PRELID3B: variants seen among roughly 807,000 people sequenced by gnomAD.
The protein encoded by PRELID3B is PRELI domain containing protein 3B.
A neutral mutation model predicts 24.0 loss-of-function variants in PRELID3B; 15 were observed. That is an observed-to-expected ratio of 0.63 (90% CI 0.42 to 0.96). The LOEUF is 0.96. Among genes scored for constraint, PRELID3B ranks in the 40% least tolerant of loss-of-function variants. The probability of loss-of-function intolerance (pLI) is 0.00; values close to 1 mark genes in which losing one functional copy is unlikely to be tolerated. For synonymous variants in PRELID3B, 62 were observed against 76.0 expected (o/e 0.82, Z 0.96); for missense variants, 189 against 236.0 (o/e 0.80, Z 1.30).
rs1459895415 is a variant in PRELID3B, at chr20:59,040,107, A to G, written c.33-1473T>C. Among the ~76,000 whole-genome samples the G allele has an allele frequency of 2.0e-5, 3 of 152,238 alleles. No individual in the cohort carries two copies. The highest frequency in any genetic ancestry group is 4.4e-5 in the Non-Finnish European group (3 of 68,052). On this transcript the variant is annotated intron_variant, in intron 1 of 5. Coordinates refer to ENST00000355937, the MANE Select transcript of PRELID3B (RefSeq NM_016045.3). This position sits in a 1 kb window ranked among gnomAD's most constrained non-coding sequence, Gnocchi z 4.1. The stretch of plus-strand genomic sequence containing the variant: ...CCCCAACCCTCTCTAAAAAATTAAT[A>G]ATCGCATGACTTCAGGGTGGTTATG...
At position 59,037,322 on chromosome 20, in the gene PRELID3B, T is replaced by C. The variant is rs1318514155; in HGVS notation, c.202-42A>G. On this transcript the variant is annotated intron_variant, in intron 2 of 5. Transcript: ENST00000355937. ...GAACTAGGAATCAGAGGAGGAAGAA[T>C]TTCTTACCAAGTCTATCAATATTTT... is the stretch of plus-strand genomic sequence containing the variant. 2.9e-6 allele frequency: 4 copies of C among 1,397,456 alleles called. No homozygotes were observed. In the Admixed American group the frequency reaches 6.8e-5, roughly 24 times the overall value. The allele number at this position is 1,397,456 out of a possible 1,614,324, so 86.6% of individuals were successfully genotyped here.
At chr20:59,042,406 A>T (rs2092116592) in intron 1 of PRELID3B, among the ~76,000 whole-genome samples, 1 of 152,126 alleles carries the variant, frequency 6.6e-6, no homozygotes, top group Non-Finnish European at 1.5e-5. Flanking sequence ...GGACCTCAGG[A>T]GGCCGCCGGC....
At position 59,033,187 on chromosome 20, in the gene PRELID3B, T is replaced by A. The variant is rs76352307; in HGVS notation, c.*1820A>T. 2 of 152,220 alleles carry A rather than the reference T, an allele frequency of 1.3e-5. No individual in the cohort carries two copies. Among genetic ancestry groups the A allele is most frequent in the Non-Finnish European group, 2.9e-5 (2 of 68,044 alleles). 9.4% of individuals were successfully genotyped at this position (152,220 alleles called of 1,614,324 possible). A position where few individuals can be genotyped will look rare whatever the true frequency, so the allele number is the denominator to read the frequency against. The stretch of plus-strand genomic sequence containing the variant: ...TTTATTAACAAAAGTTTTCCTTAAT[T>A]CACATTTCAACTTTATTAAATAGTC... On this transcript the variant is annotated 3_prime_UTR_variant, in exon 6 of 6. Coordinates refer to ENST00000355937, the MANE Select transcript of PRELID3B (RefSeq NM_016045.3).
Position 59,036,721 on chromosome 20 carries a change from T to C in PRELID3B, c.331A>G (p.Ile111Val), listed in dbSNP as rs529479171. The C allele has an allele frequency of 4.4e-6, 7 of 1,598,908 alleles. No homozygotes were observed. The Admixed American group carries it at 1.0e-4, about 23-fold the overall frequency. ...TNMVSVDERL[I>V]YKPHPQDPEK... Reference sequence around the variant, plus strand: ...GGATCCTGAGGATGTGGTTTGTATATAAGTCTCTCATCTACTGAAACCATG... The same window carrying C: ...GGATCCTGAGGATGTGGTTTGTATACAAGTCTCTCATCTACTGAAACCATG... The change falls in exon 4 of 6, where the codon ATA becomes GTA. Residue 111 changes from isoleucine to valine, a missense_variant. Transcript: ENST00000355937.
intron 5 of PRELID3B, among the ~76,000 whole-genome samples, chr20:59,036,220 C>T (rs757570465): frequency 5.3e-5 from 8 of 152,150 alleles, no homozygotes; most frequent in African/African-American, 9.7e-5. Context: ...CCCTGTAAAA[C>T]GGGTAATCTC....
At position 59,033,657 on chromosome 20, in the gene PRELID3B, T is replaced by C. The variant is rs2092050036; in HGVS notation, c.*1350A>G. 6.6e-6 allele frequency: 1 copy of C among 152,214 alleles called. No individual in the cohort carries two copies. The highest frequency in any genetic ancestry group is 1.5e-5 in the Non-Finnish European group (1 of 68,034). 9.4% of individuals were successfully genotyped at this position (152,214 alleles called of 1,614,324 possible). A position where few individuals can be genotyped will look rare whatever the true frequency, so the allele number is the denominator to read the frequency against. On this transcript the variant is annotated 3_prime_UTR_variant, in exon 6 of 6. Transcript: ENST00000355937. ...TATTTCTGTGGTTTATGTACATATA[T>C]TAACTGGTCTCTTGGATAGGAAACA...
intron 3 of PRELID3B, 58 bp from the exon 4 acceptor site, chr20:59,036,818 T>C: frequency 8.3e-7 from 1 of 1,202,876 alleles, no homozygotes; most frequent in Non-Finnish European, 1.2e-6. Context: ...AGATTCAAAA[T>C]GTTGCTAAAA....
chr20:59,035,222 G>A, intron 5 of PRELID3B, 96 bp from the exon 6 acceptor site: 1 of 1,151,404 alleles, frequency 8.7e-7, no homozygotes, highest in Non-Finnish European at 1.2e-6. Context: ...GGCGTGACAA[G>A]TTTAACTCAA....
rs1263494463 is a variant in PRELID3B at position 59,034,550 on chromosome 20, T to C, written c.*457A>G. The stretch of plus-strand genomic sequence containing the variant: ...AAGGTATTTTACACAAAATATATTT[T>C]AAAACTACACAATTTCTCCTTTTAA... On this transcript the variant is annotated 3_prime_UTR_variant, in exon 6 of 6. Coordinates refer to ENST00000355937, the MANE Select transcript of PRELID3B (RefSeq NM_016045.3). The C allele has an allele frequency of 1.3e-5, 2 of 153,086 alleles. No homozygotes were observed. The highest frequency in any genetic ancestry group is 4.8e-5 in the African/African-American group (2 of 41,472). 9.5% of individuals were successfully genotyped at this position (153,086 alleles called of 1,614,324 possible).
chr20:59,037,314 AGG>A (rs758304249), intron 2 of PRELID3B, 34 bp from the exon 3 acceptor site: 69 of 1,465,616 alleles, frequency 4.7e-5, no homozygotes, highest in Admixed American at 6.8e-5. Context: ...GAATCAGAGG[AGG>A]AAGAATTTCT....
Position 59,040,024 on chromosome 20 carries a change from C to G in PRELID3B, c.33-1390G>C, listed in dbSNP as rs2092100267. Among the ~76,000 whole-genome samples, 2 of 152,184 alleles carry G rather than the reference C, an allele frequency of 1.3e-5. No individual in the cohort carries two copies. Among genetic ancestry groups the G allele is most frequent in the Non-Finnish European group, 2.9e-5 (2 of 68,036 alleles). ...AAAATGAAAATCAGATGAACCCTCC[C>G]CAGGTCTCCATCCAGTCATATGCCA... On this transcript the variant is annotated intron_variant, in intron 1 of 5. Transcript: ENST00000355937. This position sits in a 1 kb window ranked among gnomAD's most constrained non-coding sequence, Gnocchi z 4.1.
chr20:59,036,838 A>G, intron 3 of PRELID3B, 78 bp from the exon 4 acceptor site: 1 of 937,408 alleles, frequency 1.1e-6, no homozygotes, highest in South Asian at 1.6e-5. Flanking sequence ...ATCAACACAC[A>G]AGCCAAAATC....
At chr20:59,036,804 C>A in intron 3 of PRELID3B, 44 bp from the exon 4 acceptor site, 2 of 1,309,306 alleles carry the variant, frequency 1.5e-6, no homozygotes, top group Non-Finnish European at 2.1e-6. Context: ...CATTTTGGAA[C>A]TGAAGATTCA....
Position 59,034,961 on chromosome 20 carries a change from T to TA in PRELID3B, c.*45_*46insT, listed in dbSNP as rs770448716. On this transcript the variant is annotated 3_prime_UTR_variant, in exon 6 of 6. Transcript: ENST00000355937. ...AAATAACAAATAAATATATAGTCAG[T>TA]TTGGAGAGACCTGGAGTACCCGATG... is the stretch of plus-strand genomic sequence containing the variant. 1 of 1,527,834 alleles carries TA rather than the reference T, an allele frequency of 6.5e-7. No homozygotes were observed. Among genetic ancestry groups the TA allele is most frequent in the South Asian group, 1.3e-5 (1 of 78,776 alleles). The allele number at this position is 1,527,834 out of a possible 1,614,324, so 94.6% of individuals were successfully genotyped here.
rs374542729 is a variant in PRELID3B, at chr20:59,038,603, T to C, written c.64A>G (p.Met22Val). Reference protein sequence around the residue: ...HPWETVTTAAMQKYPNPMNPS... With the variant: ...HPWETVTTAAVQKYPNPMNPS... The stretch of plus-strand genomic sequence containing the variant: ...TTCATAGGGTTTGGGTATTTCTGCA[T>C]TGCAGCTGTTGTAACAGTTTCCCAC... Residue 22 changes from methionine (M) to valine (V), a missense_variant, in exon 2 of 6, where the codon ATG becomes GTG. Met to Val is a conservative substitution (Grantham distance 21). Coordinates refer to ENST00000355937, the MANE Select transcript of PRELID3B (RefSeq NM_016045.3). 15 of 1,610,740 alleles carry C rather than the reference T, an allele frequency of 9.3e-6. No individual in the cohort carries two copies. Among genetic ancestry groups the C allele is most frequent in the African/African-American group, 1.4e-5 (1 of 73,968 alleles).
At chr20:59,036,399 A>G in intron 5 of PRELID3B, 72 bp downstream of exon 5, 2 of 1,153,940 alleles carry the variant, frequency 1.7e-6, no homozygotes, top group South Asian at 1.2e-5. Flanking sequence ...AAGGACACAC[A>G]TGCAGTCAGC....
rs184995363 is a variant in PRELID3B at position 59,042,566 on chromosome 20, C to T, written c.32+133G>A. Reference sequence around the variant, plus strand: ...GGTCTGCCCTCCGTGTCGCCGGGGCCCGCAGGCTTCAGAGTTCGCTCCCCT... The same window carrying T: ...GGTCTGCCCTCCGTGTCGCCGGGGCTCGCAGGCTTCAGAGTTCGCTCCCCT... On this transcript the variant is annotated intron_variant, in intron 1 of 5. Transcript: ENST00000355937. The T allele has an allele frequency of 2.6e-5, 26 of 1,000,214 alleles. No individual in the cohort carries two copies. In the South Asian group the frequency reaches 3.6e-4, roughly 14 times the overall value. 62.0% of individuals were successfully genotyped at this position (1,000,214 alleles called of 1,614,324 possible). A position where few individuals can be genotyped will look rare whatever the true frequency, so the allele number is the denominator to read the frequency against.
In PRELID3B at chr20:59,034,710, A is replaced by T. The variant is rs2146389105; in HGVS notation, c.*297T>A. On this transcript the variant is annotated 3_prime_UTR_variant, in exon 6 of 6. Coordinates refer to ENST00000355937, the MANE Select transcript of PRELID3B (RefSeq NM_016045.3). ...AATGTATGAAAAGCTTGAAAAATCT[A>T]CCTTAAGGAGACTGAATATCAATAC... is the stretch of plus-strand genomic sequence containing the variant. 3.8e-6 allele frequency: 1 copy of T among 260,440 alleles called. No individual in the cohort carries two copies. 16.1% of individuals were successfully genotyped at this position (260,440 alleles called of 1,614,324 possible).
Position 59,035,129 on chromosome 20 carries a change from T to TAA in PRELID3B, c.466-5_466-4dup. ...ACCCATTCCATTGCTTCTCGGCCCT[T>TAA]AAAAAAAATCCAATACATTTATTGT... is the stretch of plus-strand genomic sequence containing the variant. On this transcript the variant is annotated splice_polypyrimidine_tract_variant and splice_region_variant and intron_variant, in intron 5 of 5. Coordinates refer to ENST00000355937, the MANE Select transcript of PRELID3B (RefSeq NM_016045.3). 6.2e-7 allele frequency: 1 copy of TAA among 1,602,662 alleles called. No individual in the cohort carries two copies.
Sources: allele counts gnomAD v4.1 joint callset (sites outside exome capture counted in the v4.1 genomes callset), GRCh38; gene constraint gnomAD v4.1.1; non-coding constraint Gnocchi (gnomAD v3.1); transcripts MANE v1.5; gene names NCBI Gene and HGNC (gene_info 2026-07-23, HGNC 2026-07-21).